The following USP10 variants were observed in gnomAD, a reference collection of about 807,000 sequenced individuals.
USP10 encodes the protein ubiquitin specific peptidase 10.
USP10 carries 22 observed loss-of-function variants against 84.5 expected under a neutral mutation model. The observed-to-expected ratio is 0.26, with a 90% CI of 0.19 to 0.37. The LOEUF (loss-of-function observed/expected upper bound fraction) is 0.37, where lower values mean the gene tolerates loss of function less well. Among genes scored for constraint, USP10 ranks in the 10% least tolerant of loss-of-function variants. The pLI, the probability that USP10 is intolerant of heterozygous loss-of-function variation, is 1.00. For missense variants in USP10, 1,019 were observed against 998.9 expected (o/e 1.02, Z -0.27); for synonymous variants, 454 against 387.6 (o/e 1.17, Z -2.01).
chr16:84,741,662 T>A (rs1035404243), intron 3 of USP10, among the ~76,000 whole-genome samples: 15 of 152,206 alleles, frequency 9.9e-5, no homozygotes, highest in African/African-American at 3.6e-4. Context: ...CTGTTCCCTC[T>A]AAGTCCTGCC....
intron 10 of USP10, among the ~76,000 whole-genome samples, chr16:84,766,185 G>A (rs1442487933): frequency 1.3e-5 from 2 of 152,216 alleles, no homozygotes; most frequent in Non-Finnish European, 2.9e-5. Flanking sequence ...AGAAACCTGC[G>A]CTGACGCCCT....
rs781202733 is a variant in USP10 at position 84,745,598 on chromosome 16, G to C, written c.1117G>C (p.Val373Leu). 50 of 1,613,638 alleles carry C rather than the reference G, an allele frequency of 3.1e-5. No individual in the cohort carries two copies. The South Asian group carries it at 5.2e-4, about 17-fold the overall frequency. ...KYSPPAISPLVSEKQVEVKEG... is the reference protein window; with the variant it reads ...KYSPPAISPLLSEKQVEVKEG... ...TTCCCCTCCCGCCATATCTCCCCTGGTTTCTGAAAAGCAGGTTGAAGTCAA... is the reference window on the plus strand; with the variant it reads ...TTCCCCTCCCGCCATATCTCCCCTGCTTTCTGAAAAGCAGGTTGAAGTCAA... The change falls in exon 4 of 14, where the codon GTT (valine) becomes CTT (leucine). Residue 373 changes from valine to leucine, a missense_variant. By Grantham distance (32) the Val-to-Leu change is conservative. This residue lies in a region of USP10 where 787 missense variants were observed against 708.8 expected (regional missense o/e 1.11). Coordinates refer to ENST00000219473, the MANE Select transcript of USP10 (RefSeq NM_005153.3).
At chr16:84,714,313 C>G (rs1357877803) in intron 1 of USP10, among the ~76,000 whole-genome samples, 1 of 152,120 alleles carries the variant, frequency 6.6e-6, no homozygotes, top group Non-Finnish European at 1.5e-5. Context: ...AAATGTTTTT[C>G]CCACTTCTTC....
intron 1 of USP10, among the ~76,000 whole-genome samples, chr16:84,706,981 A>G (rs1905613379): frequency 6.6e-6 from 1 of 152,212 alleles, no homozygotes; most frequent in Admixed American, 6.5e-5. Context: ...TATAAACTGC[A>G]TAGTTTAGAA....
chr16:84,744,722 A>T lies in USP10; in HGVS notation c.241A>T (p.Ser81Cys). ...LPRTPSYSIS[S>C]TLNPQAPEFI... is the part of the protein sequence containing the mutation. ...GAGAACCCCCAGCTACAGTATTTCA[A>T]GCACACTGAACCCTCAGGCCCCTGA... Residue 81 changes from serine (S) to cysteine (C), a missense_variant, in exon 4 of 14, where the codon AGC becomes TGC. Physicochemically the swap from Ser to Cys is moderately radical, Grantham distance 112. Around this residue, in one of 2 missense-constraint regions of USP10, gnomAD observed 787 missense variants for 708.8 expected, o/e 1.11. Coordinates refer to ENST00000219473, the MANE Select transcript of USP10 (RefSeq NM_005153.3). The T allele has an allele frequency of 6.2e-7, 1 of 1,613,716 alleles. No homozygotes were observed. Among genetic ancestry groups the T allele is most frequent in the Non-Finnish European group, 8.5e-7 (1 of 1,179,712 alleles).
rs1360713575 is a variant in USP10 at position 84,759,349 on chromosome 16, C to T, written c.1285-14C>T. 7 of 1,611,754 alleles carry T rather than the reference C, an allele frequency of 4.3e-6. No individual in the cohort carries two copies. The East Asian group carries it at 1.3e-4, about 31-fold the overall frequency. On this transcript the variant is annotated splice_polypyrimidine_tract_variant and intron_variant, in intron 5 of 13. Coordinates refer to ENST00000219473, the MANE Select transcript of USP10 (RefSeq NM_005153.3). Reference sequence around the variant, plus strand: ...TGTTCATTTCCTTTACGCTTCCTTACTGCCACTACATAGACACTGCAGGCA... The same window carrying T: ...TGTTCATTTCCTTTACGCTTCCTTATTGCCACTACATAGACACTGCAGGCA...
rs867932751 is a variant in USP10 at position 84,778,927 on chromosome 16, G to A, written c.2242G>A (p.Gly748Ser). Residue 748 changes from glycine (G) to serine (S), a missense_variant, in exon 14 of 14, where the codon GGC (glycine) becomes AGC (serine). Physicochemically the swap from Gly to Ser is moderately conservative, Grantham distance 56 (BLOSUM62 0). Coordinates refer to ENST00000219473, the MANE Select transcript of USP10 (RefSeq NM_005153.3). ...CCATCACGGCAACAGTGCGACGGGC[G>A]GCCATTACACTACAGACGTCTTCCA... is the stretch of plus-strand genomic sequence containing the variant. ...VYHHGNSATG[G>S]HYTTDVFQIG... The A allele has an allele frequency of 1.2e-6, 2 of 1,613,718 alleles. No homozygotes were observed. Among genetic ancestry groups the A allele is most frequent in the Non-Finnish European group, 8.5e-7 (1 of 1,179,854 alleles).
At chr16:84,733,932 G>C (rs538823591) in intron 2 of USP10, among the ~76,000 whole-genome samples, 4 of 152,138 alleles carry the variant, frequency 2.6e-5, no homozygotes, top group African/African-American at 9.7e-5. Flanking sequence ...TTAAGCTAAC[G>C]TTGTATTCTT....
At chr16:84,736,874 C>T (rs1026738875) in intron 2 of USP10, among the ~76,000 whole-genome samples, 7 of 152,176 alleles carry the variant, frequency 4.6e-5, no homozygotes, top group African/African-American at 7.2e-5. Context: ...CTGCAAGCTC[C>T]GCCTCCCGGG....
chr16:84,758,906 T>TC, intron 5 of USP10, 99 bp downstream of exon 5: 4 of 817,188 alleles, frequency 4.9e-6, no homozygotes, highest in South Asian at 1.4e-5. Flanking sequence ...CATCTAGCTC[T>TC]CCATTTGAAT....
Position 84,760,201 on chromosome 16 carries a change from C to T in USP10, c.1480C>T (p.Arg494Cys), listed in dbSNP as rs369176775. The T allele has an allele frequency of 4.5e-5, 72 of 1,609,638 alleles. No homozygotes were observed. Among genetic ancestry groups the T allele is most frequent in the Non-Finnish European group, 5.5e-5 (65 of 1,177,830 alleles). The change falls in exon 8 of 14, where the codon CGC (arginine) becomes TGC (cysteine). Residue 494 changes from arginine (R) to cysteine (C), a missense_variant. Arg to Cys is a radical substitution (Grantham distance 180). Coordinates refer to ENST00000219473, the MANE Select transcript of USP10 (RefSeq NM_005153.3). ...ALGDKIVRDI[R>C]PGAAFEPTYI... ...TGGAGATAAAATCGTGAGGGATATTCGCCCTGGAGCTGCCTTTGAGCCCAC... is the reference window on the plus strand; with the variant it reads ...TGGAGATAAAATCGTGAGGGATATTTGCCCTGGAGCTGCCTTTGAGCCCAC...
chr16:84,772,546 G>C lies in USP10; in HGVS notation c.2004G>C (p.Glu668Asp). ...GYTTKTKQEV[E>D]ISRRVTLEKL... is the part of the protein sequence containing the mutation. ...TGGTGTGCTTTGTGTCTTAGGTTGA[G>C]ATAAGTCGAAGAGTGACTCTGGAAA... The change falls in exon 12 of 14, where the codon GAG (glutamate) becomes GAC (aspartate). Residue 668 changes from glutamate (E) to aspartate (D), a missense_variant. Glu to Asp is a conservative substitution (Grantham distance 45). This residue lies in a region of USP10 where 232 missense variants were observed against 290.1 expected (regional missense o/e 0.80). Transcript: ENST00000219473. 6.2e-7 allele frequency: 1 copy of C among 1,613,734 alleles called. No homozygotes were observed. Among genetic ancestry groups the C allele is most frequent in the South Asian group, 1.1e-5 (1 of 91,076 alleles).
At chr16:84,740,885 C>T (rs908455938) in intron 3 of USP10, among the ~76,000 whole-genome samples, 1 of 152,226 alleles carries the variant, frequency 6.6e-6, no homozygotes, top group Non-Finnish European at 1.5e-5. Flanking sequence ...ATCACAGGCA[C>T]TAAGCTGATT....
chr16:84,774,497 T>TTCTTCCAGACAGAG (rs77818365), intron 12 of USP10, among the ~76,000 whole-genome samples: 1 of 150,226 alleles, frequency 6.7e-6, no homozygotes, highest in Non-Finnish European at 1.5e-5. Flanking sequence ...GTTTGTTTTT[T>TTCTTCCAGACAGAG]TCTTGCTCTG....
intron 1 of USP10, among the ~76,000 whole-genome samples, chr16:84,711,061 A>G (rs1906220701): frequency 6.6e-6 from 1 of 152,190 alleles, no homozygotes. Context: ...ATGGTGGAAC[A>G]GTTGTGAGCA....
chr16:84,762,952 C>A (rs370572170), intron 8 of USP10, 37 bp from the exon 9 acceptor site: 89 of 1,351,460 alleles, frequency 6.6e-5, no homozygotes, highest in Non-Finnish European at 8.5e-5. Context: ...TGACAGTGAT[C>A]AGTTCACAGT....
chr16:84,721,385 G>A (rs1441094167), intron 1 of USP10, among the ~76,000 whole-genome samples: 1 of 152,128 alleles, frequency 6.6e-6, no homozygotes, highest in African/African-American at 2.4e-5. Context: ...TTACAACTGT[G>A]GCCATTGGTC....
intron 12 of USP10, among the ~76,000 whole-genome samples, chr16:84,774,006 T>C (rs772521989): frequency 6.6e-6 from 1 of 152,126 alleles, no homozygotes; most frequent in Non-Finnish European, 1.5e-5. Context: ...TCCCAGCACT[T>C]TGGGAGGCCG....
chr16:84,718,042 A>T (rs537548661), intron 1 of USP10, among the ~76,000 whole-genome samples: 1 of 152,230 alleles, frequency 6.6e-6, no homozygotes, highest in Non-Finnish European at 1.5e-5. Flanking sequence ...TGAGAGAGAG[A>T]TTGGGAGATT....
Sources: gnomAD v4.1 joint callset for allele counts (sites outside exome capture counted in the v4.1 genomes callset) on GRCh38, gnomAD v4.1.1 for gene constraint, gnomAD v4.1.1 regional missense constraint, MANE v1.5 for transcripts, NCBI Gene and HGNC (gene_info 2026-07-23, HGNC 2026-07-21) for gene names.